The following CACNA1C variants were observed in gnomAD, a reference collection of about 807,000 sequenced individuals.
CACNA1C encodes the protein calcium voltage-gated channel subunit alpha1 C.
A neutral mutation model predicts 229.0 loss-of-function variants in CACNA1C; 30 were observed. The observed-to-expected ratio is 0.13, with a 90% CI of 0.10 to 0.18. The LOEUF is 0.18. Among genes scored for constraint, CACNA1C ranks in the 10% least tolerant of loss-of-function variants. The probability of loss-of-function intolerance (pLI) is 1.00; values close to 1 mark genes in which losing one functional copy is unlikely to be tolerated. For synonymous variants in CACNA1C, 1,114 were observed against 1,132.5 expected (o/e 0.98, Z 0.33); for missense variants, 1,658 against 2,845.0 (o/e 0.58, Z 9.49).
At chr12:2,415,124 G>A (rs1440156147) in intron 3 of CACNA1C, among the ~76,000 whole-genome samples, 3 of 152,330 alleles carry the variant, frequency 2.0e-5, no homozygotes, top group Middle Eastern at 3.4e-3. Context: ...TGTCAGGGTG[G>A]CGAGGGGGCT....
intron 29 of CACNA1C, among the ~76,000 whole-genome samples, chr12:2,625,602 T>C (rs141254710): frequency 4.0e-5 from 6 of 151,840 alleles, no homozygotes; most frequent in Non-Finnish European, 8.8e-5. Context: ...TAGCAATCAG[T>C]GAGCACGTTC....
intron 3 of CACNA1C, among the ~76,000 whole-genome samples, chr12:2,232,565 A>G (rs1273390918): frequency 6.6e-6 from 1 of 152,160 alleles, no homozygotes; most frequent in East Asian, 1.9e-4. Flanking sequence ...TCTAATAAGT[A>G]TCCTGGGGGA....
At chr12:2,607,261 G>A in intron 26 of CACNA1C, 131 bp downstream of exon 26, 3 of 853,462 alleles carry the variant, frequency 3.5e-6, no homozygotes, top group East Asian at 2.7e-5. Context: ...TCCTCCCCAG[G>A]CAGTGAGGTG....
chr12:2,176,587 G>A (rs1010491096), intron 3 of CACNA1C, among the ~76,000 whole-genome samples: 6 of 139,788 alleles, frequency 4.3e-5, no homozygotes, highest in Non-Finnish European at 9.7e-5. Flanking sequence ...CTGGGGGGCA[G>A]CAAGTGCTTC....
intron 3 of CACNA1C, among the ~76,000 whole-genome samples, chr12:2,434,583 A>G (rs1486847060): frequency 1.3e-5 from 2 of 152,174 alleles, no homozygotes; most frequent in Non-Finnish European, 2.9e-5. Context: ...TGCATGCACG[A>G]AGGGGAGTGG....
At chr12:2,095,423 C>G (rs2073440179) in intron 1 of CACNA1C, among the ~76,000 whole-genome samples, 1 of 152,214 alleles carries the variant, frequency 6.6e-6, no homozygotes, top group Admixed American at 6.5e-5. Flanking sequence ...TGACTCCATT[C>G]TGAGATGAAA....
rs1340830148 is a variant in CACNA1C, at chr12:2,677,567, C to T, written c.4957-166C>T. The T allele has an allele frequency of 8.0e-6, 6 of 753,692 alleles. No individual in the cohort carries two copies. Among genetic ancestry groups the T allele is most frequent in the Non-Finnish European group, 1.3e-5 (6 of 460,906 alleles). 46.7% of individuals were successfully genotyped at this position (753,692 alleles called of 1,614,324 possible). A position where few individuals can be genotyped will look rare whatever the true frequency, so the allele number is the denominator to read the frequency against. ...GCGAGTGGATTGTTCCATCAGAGGG[C>T]AGCCCAGCCCCCAGTTCACACACAC... is the stretch of plus-strand genomic sequence containing the variant. On this transcript the variant is annotated intron_variant, in intron 40 of 46. Coordinates refer to ENST00000399655, the MANE Select transcript of CACNA1C (RefSeq NM_000719.7). The surrounding 1 kb of genome is among the most constrained non-coding windows in gnomAD (Gnocchi z 7.4).
chr12:2,690,632 C>G (rs2097767674), intron 46 of CACNA1C, among the ~76,000 whole-genome samples: 1 of 152,176 alleles, frequency 6.6e-6, no homozygotes, highest in African/African-American at 2.4e-5. Flanking sequence ...CGTGCTGGGC[C>G]ATAAGCAAGT....
At chr12:2,093,335 C>T (rs2072217449) in intron 1 of CACNA1C, among the ~76,000 whole-genome samples, 1 of 152,180 alleles carries the variant, frequency 6.6e-6, no homozygotes, top group African/African-American at 2.4e-5. Flanking sequence ...AGGCCTGCAC[C>T]CTGATGCTTC....
At chr12:2,282,081 CT>C (rs2091444898) in intron 3 of CACNA1C, among the ~76,000 whole-genome samples, 1 of 152,046 alleles carries the variant, frequency 6.6e-6, no homozygotes, top group South Asian at 2.1e-4. Flanking sequence ...CATTCCTTAT[CT>C]TCCTTCCTTT....
intron 3 of CACNA1C, among the ~76,000 whole-genome samples, chr12:2,363,286 T>G (rs2238078): frequency 0.32 from 49,429 of 152,100 alleles, 9,084 homozygotes; most frequent in Non-Finnish European, 0.43. Context: ...CCACCTTGTC[T>G]CATCTCATAA....
At chr12:2,464,611 C>T (rs910847672) in intron 5 of CACNA1C, among the ~76,000 whole-genome samples, 1 of 152,180 alleles carries the variant, frequency 6.6e-6, no homozygotes, top group Non-Finnish European at 1.5e-5. Flanking sequence ...TAATGGAATG[C>T]TTTAAGGACT....
intron 1 of CACNA1C, among the ~76,000 whole-genome samples, chr12:2,062,659 T>C (rs12317405): frequency 0.019 from 2,857 of 152,248 alleles, 90 homozygotes; most frequent in African/African-American, 0.065. Flanking sequence ...TTTCCCCTTA[T>C]TCCCAGGGTT....
intron 22 of CACNA1C, chr12:2,603,793 T>C (rs753158430): frequency 1.3e-5 from 2 of 152,254 alleles, no homozygotes; most frequent in South Asian, 2.1e-4. Context: ...GAAAGGTTAA[T>C]TGGAGACAAA....
intron 3 of CACNA1C, among the ~76,000 whole-genome samples, chr12:2,369,563 T>C (rs1267153910): frequency 1.3e-5 from 2 of 152,064 alleles, no homozygotes; most frequent in Non-Finnish European, 2.9e-5. Context: ...TGCAACCAGC[T>C]AATTTTTTTT....
chr12:2,654,716 G>T lies in CACNA1C; in HGVS notation c.4141-431G>T, dbSNP rs1165345787. 1.3e-5 allele frequency among the ~76,000 whole-genome samples: 2 copies of T among 152,242 alleles called. No homozygotes were observed. The highest frequency in any genetic ancestry group is 1.9e-4 in the East Asian group (1 of 5,200). On this transcript the variant is annotated intron_variant, in intron 33 of 46. Coordinates refer to ENST00000399655, the MANE Select transcript of CACNA1C (RefSeq NM_000719.7). The surrounding 1 kb of genome is among the most constrained non-coding windows in gnomAD (Gnocchi z 4.4). Reference sequence around the variant, plus strand: ...CAGGAAGAAAAGGGATTTCAGGAATGCATTAAGCTTGCCCTAGCCTCAGAT... The same window carrying T: ...CAGGAAGAAAAGGGATTTCAGGAATTCATTAAGCTTGCCCTAGCCTCAGAT...
At chr12:2,202,282 G>A (rs989680723) in intron 3 of CACNA1C, among the ~76,000 whole-genome samples, 7 of 152,202 alleles carry the variant, frequency 4.6e-5, no homozygotes, top group African/African-American at 1.7e-4. Context: ...CTCACCGCTT[G>A]TTCAGCTGAG....
At chr12:2,257,771 C>G (rs1007099138) in intron 3 of CACNA1C, among the ~76,000 whole-genome samples, 1 of 152,254 alleles carries the variant, frequency 6.6e-6, no homozygotes, top group Non-Finnish European at 1.5e-5. Flanking sequence ...GTTTAACTCT[C>G]TAGTCTTCAG....
chr12:2,021,322 A>G (rs1347553287), intron 1 of CACNA1C, among the ~76,000 whole-genome samples: 1 of 152,192 alleles, frequency 6.6e-6, no homozygotes, highest in African/African-American at 2.4e-5. Flanking sequence ...AAACACAGAG[A>G]TAGAGCACTA....
Sources: gnomAD v4.1 joint callset for allele counts (sites outside exome capture counted in the v4.1 genomes callset) on GRCh38, gnomAD v4.1.1 for gene constraint, Gnocchi (gnomAD v3.1) non-coding constraint, MANE v1.5 for transcripts, NCBI Gene and HGNC (gene_info 2026-07-23, HGNC 2026-07-21) for gene names.